LRP1B: variants seen among roughly 807,000 people sequenced by gnomAD.
LRP1B encodes the protein LDL receptor related protein 1B.
A neutral mutation model predicts 556.6 loss-of-function variants in LRP1B; 217 were observed. The observed-to-expected ratio is 0.39, with a 90% CI of 0.35 to 0.44. The LOEUF (loss-of-function observed/expected upper bound fraction) is 0.44, where lower values mean the gene tolerates loss of function less well. LRP1B is among the 20% of genes least tolerant of loss of function. LRP1B has a pLI of 1.00. For missense variants in LRP1B, 5,053 were observed against 5,620.8 expected, an observed-to-expected ratio of 0.90 and a Z score of 3.23; for synonymous variants, 2,047 against 1,865.8, an observed-to-expected ratio of 1.10 and a Z score of -2.50.
At chr2:141,207,331 T>C (rs1049938464) in intron 6 of LRP1B, among the ~76,000 whole-genome samples, 3 of 152,220 alleles carry the variant, frequency 2.0e-5, no homozygotes, top group African/African-American at 4.8e-5. Context: ...ATTTTGATTT[T>C]GTCTACCTCT....
chr2:141,396,414 T>A (rs1690238493), intron 3 of LRP1B, among the ~76,000 whole-genome samples: 1 of 152,190 alleles, frequency 6.6e-6, no homozygotes, highest in Non-Finnish European at 1.5e-5. Flanking sequence ...ACATTGTTAA[T>A]GGGACTACCA....
intron 84 of LRP1B, among the ~76,000 whole-genome samples, chr2:140,287,921 TGTA>T (rs578256051): frequency 2.6e-3 from 390 of 149,352 alleles, no homozygotes; most frequent in South Asian, 5.8e-3. Flanking sequence ...ATTTGGAAAA[TGTA>T]GTGGATTAAA....
chr2:140,548,781 C>G (rs141336812), intron 43 of LRP1B, among the ~76,000 whole-genome samples: 2 of 151,682 alleles, frequency 1.3e-5, no homozygotes, highest in Non-Finnish European at 2.9e-5. Flanking sequence ...AAAAATTAGC[C>G]GGGCATGGTT....
At chr2:141,137,122 C>T (rs1041528870) in intron 7 of LRP1B, among the ~76,000 whole-genome samples, 3 of 151,896 alleles carry the variant, frequency 2.0e-5, no homozygotes, top group African/African-American at 7.2e-5. Flanking sequence ...AGGTAATACT[C>T]TAATTTCTGG....
At chr2:141,462,996 G>T (rs923528906) in intron 3 of LRP1B, among the ~76,000 whole-genome samples, 4 of 152,098 alleles carry the variant, frequency 2.6e-5, no homozygotes, top group Non-Finnish European at 5.9e-5. Flanking sequence ...GAATACAATT[G>T]ACTATTGAGC....
intron 2 of LRP1B, among the ~76,000 whole-genome samples, chr2:141,645,096 G>A (rs1464559158): frequency 6.6e-6 from 1 of 151,946 alleles, no homozygotes; most frequent in Non-Finnish European, 1.5e-5. Flanking sequence ...TAAACACTAT[G>A]GATTTATATT....
intron 72 of LRP1B, 29 bp downstream of exon 72, chr2:140,364,632 A>G (rs1682669099): frequency 2.5e-6 from 4 of 1,604,742 alleles, no homozygotes; most frequent in South Asian, 1.1e-5. Context: ...AGATAAAAGT[A>G]TAATCTAGAG....
At chr2:141,958,972 C>A (rs962758462) in intron 1 of LRP1B, among the ~76,000 whole-genome samples, 4 of 151,930 alleles carry the variant, frequency 2.6e-5, no homozygotes, top group African/African-American at 7.2e-5. Context: ...ACAAGCCATT[C>A]AAATTCATTC....
At chr2:142,124,948 A>G (rs185083024) in intron 1 of LRP1B, among the ~76,000 whole-genome samples, 73 of 151,570 alleles carry the variant, frequency 4.8e-4, no homozygotes, top group Admixed American at 4.8e-3. Context: ...CCATTTAGTT[A>G]CTAGTCAGTT....
At chr2:141,176,876 A>C (rs1680760269) in intron 7 of LRP1B, among the ~76,000 whole-genome samples, 2 of 152,058 alleles carry the variant, frequency 1.3e-5, no homozygotes, top group Non-Finnish European at 2.9e-5. Context: ...TCTTCATTTA[A>C]TGTTATTACA....
intron 1 of LRP1B, among the ~76,000 whole-genome samples, chr2:142,086,640 C>CAAAAAA (rs55654885): frequency 3.4e-5 from 5 of 147,662 alleles, no homozygotes; most frequent in African/African-American, 7.7e-5. Flanking sequence ...AACAAACAAA[C>CAAAAAA]AAAAAAAAAA....
At chr2:141,216,294 G>T (rs1198822670) in intron 6 of LRP1B, among the ~76,000 whole-genome samples, 1 of 152,224 alleles carries the variant, frequency 6.6e-6, no homozygotes, top group Non-Finnish European at 1.5e-5. Context: ...CTTCCATGTG[G>T]TGTTATGCCC....
intron 2 of LRP1B, among the ~76,000 whole-genome samples, chr2:141,756,261 T>G (rs1446238198): frequency 6.6e-6 from 1 of 152,126 alleles, no homozygotes; most frequent in Non-Finnish European, 1.5e-5. Context: ...TGTGGCCGTT[T>G]AAGTTATGTT....
intron 3 of LRP1B, among the ~76,000 whole-genome samples, chr2:141,314,426 T>C (rs1331919486): frequency 6.6e-6 from 1 of 152,174 alleles, no homozygotes; most frequent in Non-Finnish European, 1.5e-5. Context: ...TCCTAGGGAA[T>C]GTATAGTTAA....
intron 20 of LRP1B, among the ~76,000 whole-genome samples, chr2:140,945,155 C>T (rs1695506241): frequency 6.6e-6 from 1 of 151,952 alleles, no homozygotes; most frequent in Non-Finnish European, 1.5e-5. Flanking sequence ...TTTACAATAG[C>T]TACAAAAATA....
chr2:142,021,380 G>T (rs1703326102), intron 1 of LRP1B, among the ~76,000 whole-genome samples: 1 of 152,024 alleles, frequency 6.6e-6, no homozygotes, highest in Non-Finnish European at 1.5e-5. Flanking sequence ...ACTTGACTTT[G>T]TAAGTCATTA....
At chr2:141,003,249 A>T (rs906060845) in intron 15 of LRP1B, among the ~76,000 whole-genome samples, 1 of 152,104 alleles carries the variant, frequency 6.6e-6, no homozygotes, top group African/African-American at 2.4e-5. Flanking sequence ...GTTTACAAAG[A>T]TATTTGGTTA....
At chr2:141,951,309 C>T (rs991351220) in intron 1 of LRP1B, among the ~76,000 whole-genome samples, 3 of 151,982 alleles carry the variant, frequency 2.0e-5, no homozygotes, top group Non-Finnish European at 2.9e-5. Context: ...TACACTGTAC[C>T]GAATAGTCTC....
intron 7 of LRP1B, among the ~76,000 whole-genome samples, chr2:141,169,947 C>T (rs1371198938): frequency 1.3e-5 from 2 of 151,994 alleles, no homozygotes; most frequent in Non-Finnish European, 2.9e-5. Context: ...AATATGCCCA[C>T]ATCCTCTCAT....
Sources: allele counts gnomAD v4.1 joint callset (sites outside exome capture counted in the v4.1 genomes callset), GRCh38; gene constraint gnomAD v4.1.1; transcripts MANE v1.5; gene names NCBI Gene and HGNC (gene_info 2026-07-23, HGNC 2026-07-21).